CUX2: variants seen among roughly 807,000 people sequenced by gnomAD.
CUX2 encodes the protein cut like homeobox 2, also known as homeobox protein cut-like 2.
CUX2 carries 40 observed loss-of-function variants against 144.8 expected under a neutral mutation model. That is an observed-to-expected ratio of 0.28 (90% CI 0.21 to 0.36). CUX2 has a LOEUF of 0.36. Ranked by LOEUF, CUX2 falls within the 10% of genes least tolerant of loss-of-function variation. The probability of loss-of-function intolerance (pLI) is 1.00; values close to 1 mark genes in which losing one functional copy is unlikely to be tolerated. For missense variants in CUX2, 1,615 were observed against 1,994.0 expected (o/e 0.81, Z 3.62); for synonymous variants, 827 against 875.6 (o/e 0.94, Z 0.98).
intron 1 of CUX2, among the ~76,000 whole-genome samples, chr12:111,045,127 G>T (rs2136005748): frequency 6.6e-6 from 1 of 152,288 alleles, no homozygotes; most frequent in South Asian, 2.1e-4. Flanking sequence ...TCCTGACACT[G>T]ATTCCCAGGC....
intron 1 of CUX2, among the ~76,000 whole-genome samples, chr12:111,164,376 G>A (rs1483264340): frequency 6.6e-6 from 1 of 152,034 alleles, no homozygotes; most frequent in Non-Finnish European, 1.5e-5. Flanking sequence ...AGGAGTTTGA[G>A]ACCAGCCTGG....
chr12:111,039,125 G>C lies in CUX2; in HGVS notation c.63+4885G>C, dbSNP rs1478284192. Among the ~76,000 whole-genome samples the C allele has an allele frequency of 6.6e-6, 1 of 152,052 alleles. No homozygotes were observed. Among genetic ancestry groups the C allele is most frequent in the Non-Finnish European group, 1.5e-5 (1 of 68,004 alleles). On this transcript the variant is annotated intron_variant, in intron 1 of 21. Coordinates refer to ENST00000261726, the MANE Select transcript of CUX2 (RefSeq NM_015267.4). This position sits in a 1 kb window ranked among gnomAD's most constrained non-coding sequence, Gnocchi z 4.2. ...TAGACAAGGCTGCCCAGAAACTGTG[G>C]TTTTCTGTGCTGCTTCTGAAAGGGC...
rs1466225399 is a variant in CUX2, at chr12:111,289,606, G to A, written c.302-1812G>A. On this transcript the variant is annotated intron_variant, in intron 4 of 21. Coordinates refer to ENST00000261726, the MANE Select transcript of CUX2 (RefSeq NM_015267.4). The surrounding 1 kb of genome is among the most constrained non-coding windows in gnomAD (Gnocchi z 4.1). ...GCAGGACTCCAGAGTGTAAGGAAGC[G>A]GATGTGCTTGCGGTGTAAAGGGCTG... 2.0e-5 allele frequency among the ~76,000 whole-genome samples: 3 copies of A among 152,124 alleles called. No individual in the cohort carries two copies. The highest frequency in any genetic ancestry group is 6.6e-5 in the Admixed American group (1 of 15,266).
chr12:111,334,757 G>T, intron 19 of CUX2, 47 bp downstream of exon 19: 1 of 1,538,132 alleles, frequency 6.5e-7, no homozygotes, highest in Non-Finnish European at 8.8e-7. Context: ...ACCTGGGTTG[G>T]CTCCTACTTG....
chr12:111,040,421 G>C (rs1407499594), intron 1 of CUX2, among the ~76,000 whole-genome samples: 3 of 151,892 alleles, frequency 2.0e-5, no homozygotes, highest in Admixed American at 2.0e-4. Context: ...CTGTACCGCA[G>C]CGGCCTTCTC....
Position 111,347,871 on chromosome 12 carries a change from C to T in CUX2, c.4007C>T (p.Pro1336Leu), listed in dbSNP as rs372685449. The change falls in exon 22 of 22, where the codon CCG becomes CTG. Residue 1336 changes from proline to leucine, a missense_variant. Pro to Leu is a moderately conservative substitution (Grantham distance 98). Coordinates refer to ENST00000261726, the MANE Select transcript of CUX2 (RefSeq NM_015267.4). ...CCCAAAGAGGAGCATCCCGACCCTC[C>T]GGGTAATGATGGACTCCCAAAAGTG... ...GPPKEEHPDP[P>L]GNDGLPKVAP... 2.5e-5 allele frequency: 41 copies of T among 1,614,002 alleles called. 1 individual carries two copies. Among genetic ancestry groups the T allele is most frequent in the Middle Eastern group, 1.6e-4 (1 of 6,082 alleles).
chr12:111,155,248 G>A (rs1382570543), intron 1 of CUX2, among the ~76,000 whole-genome samples: 1 of 152,134 alleles, frequency 6.6e-6, no homozygotes, highest in East Asian at 1.9e-4. Flanking sequence ...TTCCTCATCT[G>A]TCAAATGGGT....
intron 1 of CUX2, among the ~76,000 whole-genome samples, chr12:111,203,164 G>C (rs1003826931): frequency 6.6e-6 from 1 of 150,690 alleles, no homozygotes; most frequent in South Asian, 2.1e-4. Flanking sequence ...CCCAGGAGGC[G>C]GAGGTTGAAG....
At chr12:111,042,209 C>T (rs2136003018) in intron 1 of CUX2, among the ~76,000 whole-genome samples, 1 of 152,324 alleles carries the variant, frequency 6.6e-6, no homozygotes, top group South Asian at 2.1e-4. Context: ...GTAAATGGCT[C>T]CCGGGGAACC....
intron 1 of CUX2, among the ~76,000 whole-genome samples, chr12:111,180,748 A>T (rs1458905455): frequency 6.6e-6 from 1 of 152,132 alleles, no homozygotes; most frequent in African/African-American, 2.4e-5. Flanking sequence ...GGGAAAACCT[A>T]GTCCTCCCCC....
At chr12:111,185,947 CT>C (rs1282196033) in intron 1 of CUX2, among the ~76,000 whole-genome samples, 1 of 151,696 alleles carries the variant, frequency 6.6e-6, no homozygotes, top group African/African-American at 2.4e-5. Flanking sequence ...TTCTGTTTGT[CT>C]CTGTGCCTGT....
intron 3 of CUX2, among the ~76,000 whole-genome samples, chr12:111,261,501 C>T (rs2136288750): frequency 6.6e-6 from 1 of 151,944 alleles, no homozygotes; most frequent in East Asian, 1.9e-4. Flanking sequence ...ATTCTATTGC[C>T]CAGGCTGGTG....
intron 1 of CUX2, among the ~76,000 whole-genome samples, chr12:111,075,009 T>TC (rs1293797886): frequency 1.3e-5 from 2 of 151,980 alleles, no homozygotes; most frequent in African/African-American, 4.8e-5. Context: ...ATTCATCCAG[T>TC]CCCCCACAGG....
chr12:111,272,405 G>A (rs998236248), intron 4 of CUX2, among the ~76,000 whole-genome samples: 7 of 152,018 alleles, frequency 4.6e-5, no homozygotes, highest in African/African-American at 1.5e-4. Flanking sequence ...TATTTCACCC[G>A]TTAAAAAAGG....
chr12:111,066,405 C>G (rs1312240644), intron 1 of CUX2, among the ~76,000 whole-genome samples: 2 of 152,140 alleles, frequency 1.3e-5, no homozygotes, highest in African/African-American at 4.8e-5. Context: ...CTTTAGAATT[C>G]TTTTTAGAAG....
intron 1 of CUX2, among the ~76,000 whole-genome samples, chr12:111,209,037 G>A (rs1881064697): frequency 6.6e-6 from 1 of 152,118 alleles, no homozygotes; most frequent in Non-Finnish European, 1.5e-5. Context: ...GTGATGCCAG[G>A]GTCCAAATCA....
chr12:111,169,212 G>A (rs909948673), intron 1 of CUX2, among the ~76,000 whole-genome samples: 1 of 152,130 alleles, frequency 6.6e-6, no homozygotes, highest in Non-Finnish European at 1.5e-5. Flanking sequence ...AGGCAGGGAT[G>A]GGAGCGATGC....
In CUX2 at chr12:111,312,817, C is replaced by T. The variant is rs527481488; in HGVS notation, c.2002+616C>T. 1.3e-5 allele frequency among the ~76,000 whole-genome samples: 2 copies of T among 152,326 alleles called. No individual in the cohort carries two copies. The highest frequency in any genetic ancestry group is 4.2e-4 in the South Asian group (2 of 4,818). ...AGTCATGCCCAGCTGCCGTGCACTC[C>T]ACCCTGCGCCTCTGATGCTGTCCTT... On this transcript the variant is annotated intron_variant, in intron 16 of 21. Coordinates refer to ENST00000261726, the MANE Select transcript of CUX2 (RefSeq NM_015267.4). This position sits in a 1 kb window ranked among gnomAD's most constrained non-coding sequence, Gnocchi z 4.3.
chr12:111,130,317 C>T (rs1053950511), intron 1 of CUX2, among the ~76,000 whole-genome samples: 1 of 152,186 alleles, frequency 6.6e-6, no homozygotes, highest in East Asian at 1.9e-4. Flanking sequence ...CTTTACTGCT[C>T]ATACAGATCA....
Sources: gnomAD v4.1 joint callset for allele counts (sites outside exome capture counted in the v4.1 genomes callset) on GRCh38, gnomAD v4.1.1 for gene constraint, Gnocchi (gnomAD v3.1) non-coding constraint, MANE v1.5 for transcripts, NCBI Gene and HGNC (gene_info 2026-07-23, HGNC 2026-07-21) for gene names.